Variants in GRM4 observed in about 807,000 individuals in gnomAD.
The protein encoded by GRM4 is glutamate metabotropic receptor 4.
Under a neutral mutation model 81.7 loss-of-function variants are expected in GRM4, and 28 were observed. The ratio of observed to expected loss-of-function variants is 0.34; its 90% CI spans 0.25 to 0.47. GRM4 has a LOEUF of 0.47. Ranked by LOEUF, GRM4 falls within the 20% of genes least tolerant of loss-of-function variation. The pLI, the probability that GRM4 is intolerant of heterozygous loss-of-function variation, is 1.00. For missense variants in GRM4, 948 were observed against 1,290.0 expected (o/e 0.73, Z 4.06); for synonymous variants, 488 against 528.8 (o/e 0.92, Z 1.06).
intron 1 of GRM4, among the ~76,000 whole-genome samples, chr6:34,140,330 G>A (rs902704046): frequency 1.1e-5 from 1 of 91,084 alleles, no homozygotes; most frequent in African/African-American, 3.9e-5. Flanking sequence ...GGAGAGGGTT[G>A]ATGCGATGAA....
At chr6:34,024,810 A>G (rs1419628652) in intron 10 of GRM4, 1 of 452,538 alleles carries the variant, frequency 2.2e-6, no homozygotes, top group Non-Finnish European at 4.5e-6. Context: ...ACAGGTGCCA[A>G]TGGAAGAAAA....
At position 34,133,202 on chromosome 6, in the gene GRM4, T is replaced by C. The variant is rs376817648; in HGVS notation, c.295A>G (p.Ile99Val). ...TCCAGAATGCGGGCGCCCAGCGTGATGTTAGGCAGCAGGTCCGGGTCGTTG... is the reference window on the plus strand; with the variant it reads ...TCCAGAATGCGGGCGCCCAGCGTGACGTTAGGCAGCAGGTCCGGGTCGTTG... ...INNDPDLLPN[I>V]TLGARILDTC... The change falls in exon 2 of 11, where the codon ATC becomes GTC. Residue 99 changes from isoleucine (I) to valine (V), a missense_variant. Coordinates refer to ENST00000538487, the MANE Select transcript of GRM4 (RefSeq NM_000841.4). This position sits in a 1 kb window ranked among gnomAD's most constrained non-coding sequence, Gnocchi z 6.5. 8.3e-5 allele frequency: 134 copies of C among 1,613,858 alleles called. No individual in the cohort carries two copies. Among genetic ancestry groups the C allele is most frequent in the Non-Finnish European group, 1.1e-4 (127 of 1,179,858 alleles).
chr6:34,131,269 C>G (rs531702160), intron 2 of GRM4, among the ~76,000 whole-genome samples: 1 of 152,370 alleles, frequency 6.6e-6, no homozygotes, highest in African/African-American at 2.4e-5. Flanking sequence ...GAAATGTTTT[C>G]AAGTTTCCTG....
At chr6:34,098,190 C>G (rs914616572) in intron 2 of GRM4, among the ~76,000 whole-genome samples, 6 of 152,218 alleles carry the variant, frequency 3.9e-5, no homozygotes, top group African/African-American at 1.4e-4. Flanking sequence ...CATGGGGGCC[C>G]TGGGCAAATG....
At chr6:34,126,729 C>T (rs577420773) in intron 2 of GRM4, among the ~76,000 whole-genome samples, 1 of 152,354 alleles carries the variant, frequency 6.6e-6, no homozygotes, top group East Asian at 1.9e-4. Context: ...GCTGTTGCTG[C>T]AGACATGGGG....
chr6:34,118,263 C>A (rs1769672578), intron 2 of GRM4, among the ~76,000 whole-genome samples: 1 of 152,230 alleles, frequency 6.6e-6, no homozygotes, highest in African/African-American at 2.4e-5. Context: ...GAGCCACACT[C>A]ACACAGGGAC....
In GRM4 at chr6:34,114,916, C is replaced by G. The variant is rs1244000279; in HGVS notation, c.519+18062G>C. ...TCTTGCACAAACTTGGAGCTCCATA[C>G]ATGTTTGCTGAATCAAATGGAATCC... is the stretch of plus-strand genomic sequence containing the variant. On this transcript the variant is annotated intron_variant, in intron 2 of 10. Transcript: ENST00000538487. This position sits in a 1 kb window ranked among gnomAD's most constrained non-coding sequence, Gnocchi z 4.3. 2.0e-5 allele frequency among the ~76,000 whole-genome samples: 3 copies of G among 152,226 alleles called. No homozygotes were observed. The highest frequency in any genetic ancestry group is 4.4e-5 in the Non-Finnish European group (3 of 68,050).
intron 3 of GRM4, among the ~76,000 whole-genome samples, chr6:34,073,250 A>G (rs1023513875): frequency 4.7e-4 from 35 of 73,738 alleles, no homozygotes; most frequent in African/African-American, 7.0e-4. Context: ...ACACACACAC[A>G]TCACCACATA....
intron 8 of GRM4, 39 bp downstream of exon 8, chr6:34,040,139 G>T: frequency 6.2e-7 from 1 of 1,602,210 alleles, no homozygotes; most frequent in Non-Finnish European, 8.5e-7. Context: ...CTGGAACTGC[G>T]TGAGTCACTC....
chr6:34,071,479 CACA>C (rs1766842239), intron 3 of GRM4, among the ~76,000 whole-genome samples: 1 of 66,266 alleles, frequency 1.5e-5, no homozygotes, highest in African/African-American at 6.3e-5. Flanking sequence ...ACACCACAAA[CACA>C]CACACATCAC....
intron 5 of GRM4, among the ~76,000 whole-genome samples, chr6:34,057,951 T>C (rs1371765165): frequency 2.0e-5 from 3 of 151,998 alleles, no homozygotes; most frequent in Non-Finnish European, 4.4e-5. Flanking sequence ...ACTCTCGCTA[T>C]GTGTGTGTGG....
At position 34,068,439 on chromosome 6, in the gene GRM4, G is replaced by C. The variant is rs1400367575; in HGVS notation, c.737-6411C>G. 6.6e-6 allele frequency among the ~76,000 whole-genome samples: 1 copy of C among 152,118 alleles called. No homozygotes were observed. The highest frequency in any genetic ancestry group is 1.5e-5 in the Non-Finnish European group (1 of 68,018). On this transcript the variant is annotated intron_variant, in intron 3 of 10. Coordinates refer to ENST00000538487, the MANE Select transcript of GRM4 (RefSeq NM_000841.4). The surrounding 1 kb of genome is among the most constrained non-coding windows in gnomAD (Gnocchi z 4.2). ...CTGAGGTGAGCTTAGGTTTACAGGAGGTCTGACCGTGGCAGGACCCTCTGA... is the reference window on the plus strand; with the variant it reads ...CTGAGGTGAGCTTAGGTTTACAGGACGTCTGACCGTGGCAGGACCCTCTGA...
rs1766660076 is a variant in GRM4 at position 34,069,198 on chromosome 6, AC to A, written c.737-7171del. Among the ~76,000 whole-genome samples the A allele has an allele frequency of 7.0e-6, 1 of 142,256 alleles. No homozygotes were observed. Among genetic ancestry groups the A allele is most frequent in the African/African-American group, 2.8e-5 (1 of 35,434 alleles). The allele number at this position is 142,256 out of a possible 152,430, so 93.3% of individuals were successfully genotyped here. On this transcript the variant is annotated intron_variant, in intron 3 of 10. Transcript: ENST00000538487. This position sits in a 1 kb window ranked among gnomAD's most constrained non-coding sequence, Gnocchi z 6.4. ...CACACACACACACACACACACACAC[AC>A]ACACACGCACGCACACACGGCTCCT...
At chr6:34,102,154 G>A in intron 2 of GRM4, 1 of 1,535,384 alleles carries the variant, frequency 6.5e-7, no homozygotes, top group Non-Finnish European at 8.7e-7. Flanking sequence ...GGGCATTTAA[G>A]GTGTGCAGGG....
At chr6:34,028,922 C>T (rs1429329874) in intron 9 of GRM4, among the ~76,000 whole-genome samples, 2 of 152,198 alleles carry the variant, frequency 1.3e-5, no homozygotes, top group Non-Finnish European at 2.9e-5. Context: ...AGCATGGGAT[C>T]CTCGGCACCC....
intron 2 of GRM4, chr6:34,103,836 G>A: frequency 1.4e-6 from 2 of 1,428,916 alleles, no homozygotes; most frequent in Non-Finnish European, 1.8e-6. Flanking sequence ...GTGAAAGACT[G>A]GGATGTGTCA....
At chr6:34,104,061 G>A (rs947128647) in intron 2 of GRM4, among the ~76,000 whole-genome samples, 1 of 152,244 alleles carries the variant, frequency 6.6e-6, no homozygotes, top group African/African-American at 2.4e-5. Context: ...CTCCGAAGCT[G>A]AGGAACATGC....
At position 34,061,752 on chromosome 6, in the gene GRM4, T is replaced by C. The variant is rs989704103; in HGVS notation, c.872+141A>G. On this transcript the variant is annotated intron_variant, in intron 4 of 10. Transcript: ENST00000538487. ...TAGCCTGTGGGTCTCCCTGCCCACA[T>C]ACCCACTCACCAGCACCCACCTCTC... 9.8e-6 allele frequency: 8 copies of C among 817,874 alleles called. No individual in the cohort carries two copies. In the Admixed American group the frequency reaches 1.8e-4, roughly 18 times the overall value. 50.7% of individuals were successfully genotyped at this position (817,874 alleles called of 1,614,324 possible). A position where few individuals can be genotyped will look rare whatever the true frequency, so the allele number is the denominator to read the frequency against.
At position 34,036,396 on chromosome 6, in the gene GRM4, C is replaced by T. The variant is rs771477643; in HGVS notation, c.1714G>A (p.Gly572Ser). 1.4e-5 allele frequency: 22 copies of T among 1,611,890 alleles called. No individual in the cohort carries two copies. The South Asian group carries it at 2.3e-4, about 17-fold the overall frequency. ...TTGATGATGGGGATGGGCCGGCAGC[C>T]CGTGCGGTTCTCTGTGGGCCGCATG... is the stretch of plus-strand genomic sequence containing the variant. Reference protein sequence around the residue: ...YDMRPTENRTGCRPIPIIKLE... With the variant: ...YDMRPTENRTSCRPIPIIKLE... The change falls in exon 9 of 11, where the codon GGC becomes AGC. Residue 572 changes from glycine (G) to serine (S), a missense_variant. Gly to Ser is a moderately conservative substitution (Grantham distance 56). Coordinates refer to ENST00000538487, the MANE Select transcript of GRM4 (RefSeq NM_000841.4). This position sits in a 1 kb window ranked among gnomAD's most constrained non-coding sequence, Gnocchi z 9.0.
Sources: gnomAD v4.1 joint callset for allele counts (sites outside exome capture counted in the v4.1 genomes callset) on GRCh38, gnomAD v4.1.1 for gene constraint, Gnocchi (gnomAD v3.1) non-coding constraint, MANE v1.5 for transcripts, NCBI Gene and HGNC (gene_info 2026-07-23, HGNC 2026-07-21) for gene names.